The following KCNH5 variants were observed in gnomAD, a reference collection of about 807,000 sequenced individuals.
KCNH5 encodes voltage-gated delayed rectifier potassium channel KCNH5.
KCNH5 carries 46 observed loss-of-function variants against 96.1 expected under a neutral mutation model. That is an observed-to-expected ratio of 0.48 (90% confidence interval 0.38 to 0.61). KCNH5 has a LOEUF of 0.61. Ranked by LOEUF, KCNH5 falls within the 20% of genes least tolerant of loss-of-function variation. The pLI, the probability that KCNH5 is intolerant of heterozygous loss-of-function variation, is 0.00. For synonymous variants in KCNH5, 439 were observed against 449.8 expected, an observed-to-expected ratio of 0.98 and a Z score of 0.30; for missense variants, 907 against 1,225.8, an observed-to-expected ratio of 0.74 and a Z score of 3.88.
intron 7 of KCNH5, among the ~76,000 whole-genome samples, chr14:62,890,044 A>G (rs1888674217): frequency 6.6e-6 from 1 of 152,160 alleles, no homozygotes; most frequent in Non-Finnish European, 1.5e-5. Context: ...GAAGACTGAA[A>G]CTGGACCCTT....
chr14:62,745,152 G>A (rs1197537553), intron 10 of KCNH5, among the ~76,000 whole-genome samples: 1 of 152,140 alleles, frequency 6.6e-6, no homozygotes, highest in African/African-American at 2.4e-5. Context: ...AACTCTCCAG[G>A]CTTTTAACGC....
At chr14:62,940,031 A>G (rs1269468968) in intron 7 of KCNH5, among the ~76,000 whole-genome samples, 2 of 152,194 alleles carry the variant, frequency 1.3e-5, no homozygotes, top group African/African-American at 2.4e-5. Flanking sequence ...TCTCCATTTT[A>G]CAAATGATGG....
At chr14:62,882,512 C>T (rs1888514263) in intron 7 of KCNH5, among the ~76,000 whole-genome samples, 1 of 152,170 alleles carries the variant, frequency 6.6e-6, no homozygotes, top group Admixed American at 6.5e-5. Flanking sequence ...CATAACTGGA[C>T]AGTCTTCACA....
chr14:62,946,443 G>C (rs922220676), intron 7 of KCNH5, among the ~76,000 whole-genome samples: 14 of 151,746 alleles, frequency 9.2e-5, no homozygotes, highest in African/African-American at 2.9e-4. Flanking sequence ...TTATCCCAGA[G>C]AACTAAGAAC....
chr14:62,981,876 T>A (rs1433049664), intron 5 of KCNH5, among the ~76,000 whole-genome samples: 1 of 152,208 alleles, frequency 6.6e-6, no homozygotes, highest in African/African-American at 2.4e-5. Context: ...AAATATTAAA[T>A]ACTCAAGTTT....
chr14:62,993,932 A>C (rs1336088205), intron 4 of KCNH5, among the ~76,000 whole-genome samples: 2 of 152,104 alleles, frequency 1.3e-5, no homozygotes, highest in Admixed American at 1.3e-4. Context: ...TGTTCATGGC[A>C]TTATGAGAAT....
At chr14:62,860,487 C>T (rs182967098) in intron 7 of KCNH5, among the ~76,000 whole-genome samples, 1 of 152,218 alleles carries the variant, frequency 6.6e-6, no homozygotes, top group South Asian at 2.1e-4. Context: ...AAAAATCCCT[C>T]TGAAATAGGA....
chr14:62,754,738 G>C (rs950553938), intron 10 of KCNH5, among the ~76,000 whole-genome samples: 2 of 151,792 alleles, frequency 1.3e-5, no homozygotes, highest in African/African-American at 4.8e-5. Context: ...AGTCAAGCAT[G>C]GGGGTGTGTG....
chr14:62,822,915 G>A (rs937195366), intron 8 of KCNH5, among the ~76,000 whole-genome samples: 2 of 152,076 alleles, frequency 1.3e-5, no homozygotes, highest in Admixed American at 6.6e-5. Context: ...TCCATGGTCT[G>A]GGTGAATTTA....
chr14:63,002,634 A>AAAAAAAT (rs1891032215), intron 3 of KCNH5, among the ~76,000 whole-genome samples: 1 of 152,118 alleles, frequency 6.6e-6, no homozygotes, highest in Admixed American at 6.5e-5. Context: ...CCCATGGCCT[A>AAAAAAAT]AAAAAATAAA....
intron 7 of KCNH5, 44 bp downstream of exon 7, chr14:62,950,089 T>A (rs1157219696): frequency 6.4e-7 from 1 of 1,557,990 alleles, no homozygotes; most frequent in Non-Finnish European, 8.8e-7. Flanking sequence ...GCCAGGAAAA[T>A]TGCCAATAAC....
intron 8 of KCNH5, among the ~76,000 whole-genome samples, chr14:62,816,674 C>T (rs886620378): frequency 2.0e-5 from 3 of 151,856 alleles, no homozygotes; most frequent in African/African-American, 7.3e-5. Flanking sequence ...TTTTCCATGG[C>T]AGTAATGCAT....
At position 63,003,573 on chromosome 14, in the gene KCNH5, TTATATACATAATATA is replaced by T. The variant is rs1891063041; in HGVS notation, c.305-2129_305-2115del. ...TAGTATATATTATATATATTTATATTTATATACATAATATATATATTTATATATTTATATTTATAT... is the reference window on the plus strand; with the variant it reads ...TAGTATATATTATATATATTTATATTTATATTTATATATTTATATTTATAT... On this transcript the variant is annotated intron_variant, in intron 3 of 10. Transcript: ENST00000322893. 2.1e-3 allele frequency among the ~76,000 whole-genome samples: 277 copies of T among 129,666 alleles called. 3 individuals are homozygous for T. The highest frequency in any genetic ancestry group is 7.5e-3 in the African/African-American group (255 of 34,014). The allele number at this position is 129,666 out of a possible 152,430, so 85.1% of individuals were successfully genotyped here. A position where few individuals can be genotyped will look rare whatever the true frequency, so the allele number is the denominator to read the frequency against.
rs141187909 is a variant in KCNH5, at chr14:62,756,743, C to T, written c.2019+22985G>A. ...AAATTGTGCTGGGAAAACTGGATAT[C>T]CATATCCAAAAGAATGAAACTAGAC... On this transcript the variant is annotated intron_variant, in intron 10 of 10. Transcript: ENST00000322893. Among the ~76,000 whole-genome samples, 1,213 of 152,244 alleles carry T rather than the reference C, an allele frequency of 8.0e-3. 16 individuals carry two copies. The highest frequency in any genetic ancestry group is 9.2e-3 in the Non-Finnish European group (628 of 68,004).
At chr14:62,914,603 G>C (rs1460019418) in intron 7 of KCNH5, among the ~76,000 whole-genome samples, 2 of 152,090 alleles carry the variant, frequency 1.3e-5, no homozygotes, top group East Asian at 3.9e-4. Context: ...TATTTTACAT[G>C]TATACAAAGC....
chr14:62,822,111 A>G (rs1415725053), intron 8 of KCNH5, among the ~76,000 whole-genome samples: 1 of 152,194 alleles, frequency 6.6e-6, no homozygotes, highest in East Asian at 1.9e-4. Flanking sequence ...ATTTGATGAA[A>G]TTGATGAAAG....
intron 7 of KCNH5, among the ~76,000 whole-genome samples, chr14:62,876,233 A>T (rs1888369877): frequency 6.6e-6 from 1 of 152,232 alleles, no homozygotes; most frequent in Non-Finnish European, 1.5e-5. Context: ...GGAATCTCTG[A>T]GAAACTAATA....
intron 10 of KCNH5, among the ~76,000 whole-genome samples, chr14:62,735,863 G>A (rs1005604494): frequency 6.6e-6 from 1 of 152,232 alleles, no homozygotes. Flanking sequence ...GATAGGAACA[G>A]TGGGAAGATG....
Position 62,802,539 on chromosome 14 carries a change from C to T in KCNH5, c.1612G>A (p.Val538Ile), listed in dbSNP as rs988565496. Residue 538 changes from valine to isoleucine, a missense_variant, in exon 9 of 11, where the codon GTT (valine) becomes ATT (isoleucine). Around this residue, in one of 6 missense-constraint regions of KCNH5, gnomAD observed 95 missense variants for 111.8 expected, o/e 0.85. Coordinates refer to ENST00000322893, the MANE Select transcript of KCNH5 (RefSeq NM_139318.5). ...TTAAAAACCTTCCGGTTTAGATGAA[C>T]ACAGATATCAGCTCTCATGTCCTTG... is the stretch of plus-strand genomic sequence containing the variant. ...CPKDMRADIC[V>I]HLNRKVFNEH... 1 of 1,614,106 alleles carries T rather than the reference C, an allele frequency of 6.2e-7. No homozygotes were observed. The highest frequency in any genetic ancestry group is 8.5e-7 in the Non-Finnish European group (1 of 1,180,010).
Sources: gnomAD v4.1 joint callset for allele counts (sites outside exome capture counted in the v4.1 genomes callset) on GRCh38, gnomAD v4.1.1 for gene constraint, gnomAD v4.1.1 regional missense constraint, MANE v1.5 for transcripts, NCBI Gene and HGNC (gene_info 2026-07-23, HGNC 2026-07-21) for gene names.